Variants in EML6 observed in about 807,000 individuals in gnomAD.
EML6 encodes the protein echinoderm microtubule-associated protein-like 6.
In EML6, 154 loss-of-function variants were observed where a neutral mutation model predicts 240.1. That is an observed-to-expected ratio of 0.64 (90% CI 0.56 to 0.73). The LOEUF (loss-of-function observed/expected upper bound fraction) is 0.73, where lower values mean the gene tolerates loss of function less well. EML6 is among the 30% of genes least tolerant of loss of function. The probability of loss-of-function intolerance (pLI) is 0.00; values close to 1 mark genes in which losing one functional copy is unlikely to be tolerated. For missense variants in EML6, 2,964 were observed against 2,474.6 expected, an observed-to-expected ratio of 1.20 and a Z score of -4.20; for synonymous variants, 1,148 against 899.0, an observed-to-expected ratio of 1.28 and a Z score of -4.95.
chr2:54,883,696 A>G (rs1303161905), intron 17 of EML6, among the ~76,000 whole-genome samples: 2 of 152,168 alleles, frequency 1.3e-5, no homozygotes, highest in African/African-American at 2.4e-5. Flanking sequence ...AACTCTTTGT[A>G]TTTTGTTTTG....
chr2:54,882,392 A>G (rs982300783), intron 17 of EML6: 21 of 151,792 alleles, frequency 1.4e-4, no homozygotes, highest in African/African-American at 4.8e-4. Flanking sequence ...ATCACTGTCA[A>G]TCAGGGCAGA....
intron 2 of EML6, among the ~76,000 whole-genome samples, chr2:54,732,803 G>C (rs528194154): frequency 1.9e-3 from 287 of 152,306 alleles, no homozygotes; most frequent in Middle Eastern, 3.4e-3. Flanking sequence ...AACTTAAATA[G>C]TGAGTGCAGT....
chr2:54,759,561 A>G (rs1281040778), intron 2 of EML6, among the ~76,000 whole-genome samples: 1 of 152,148 alleles, frequency 6.6e-6, no homozygotes, highest in African/African-American at 2.4e-5. Flanking sequence ...AGAGTTTTTA[A>G]AAGTCATAAA....
intron 2 of EML6, among the ~76,000 whole-genome samples, chr2:54,794,979 A>G (rs1242653352): frequency 6.6e-6 from 1 of 152,150 alleles, no homozygotes; most frequent in African/African-American, 2.4e-5. Context: ...GGTCCCACCG[A>G]CCCAGCCTTC....
At chr2:54,896,934 G>A (rs1253263135) in intron 21 of EML6, among the ~76,000 whole-genome samples, 3 of 152,188 alleles carry the variant, frequency 2.0e-5, no homozygotes, top group Non-Finnish European at 4.4e-5. Context: ...GCAGCTGGTC[G>A]TGCCTTGCAG....
intron 26 of EML6, among the ~76,000 whole-genome samples, chr2:54,919,286 T>C (rs1674100799): frequency 6.9e-6 from 1 of 145,600 alleles, no homozygotes; most frequent in South Asian, 2.3e-4. Flanking sequence ...TTTTTGTCTT[T>C]AGCATTCCAG....
At position 54,850,089 on chromosome 2, in the gene EML6, C is replaced by G. The variant is rs1467947977; in HGVS notation, c.1315C>G (p.Gln439Glu). The G allele has an allele frequency of 1.3e-6, 2 of 1,552,078 alleles. No homozygotes were observed. The change falls in exon 10 of 42, where the codon CAG (glutamine) becomes GAG (glutamate). Residue 439 changes from glutamine to glutamate, a missense_variant. Gln to Glu is a conservative substitution (Grantham distance 29). Coordinates refer to ENST00000356458, the MANE Select transcript of EML6 (RefSeq NM_001039753.4). ...DGPVDVYAVA[Q>E]RYKKIGECSK... Reference sequence around the variant, plus strand: ...CCCAGTAGATGTCTATGCTGTTGCCCAGAGGTATAAGAAAATTGGAGAATG... The same window carrying G: ...CCCAGTAGATGTCTATGCTGTTGCCGAGAGGTATAAGAAAATTGGAGAATG...
At chr2:54,758,188 G>T (rs1332362037) in intron 2 of EML6, among the ~76,000 whole-genome samples, 6 of 151,958 alleles carry the variant, frequency 3.9e-5, no homozygotes, top group Non-Finnish European at 8.8e-5. Flanking sequence ...AATCTTTCCA[G>T]CTGTTCTATT....
At position 54,725,094 on chromosome 2, in the gene EML6, CCGG is replaced by C. The variant is rs1682847298; in HGVS notation, c.35_37del (p.Arg12del). 6.5e-7 allele frequency: 1 copy of C among 1,530,932 alleles called. No individual in the cohort carries two copies. The highest frequency in any genetic ancestry group is 1.4e-5 in the African/African-American group (1 of 70,310). The allele number at this position is 1,530,932 out of a possible 1,614,324, so 94.8% of individuals were successfully genotyped here. A position where few individuals can be genotyped will look rare whatever the true frequency, so the allele number is the denominator to read the frequency against. ...ATCGGACGGCGCCCCGCTGCCAGCT[CCGG>C]CTGGAGTGGGTGTACGGGTACCGGG... On this transcript the variant is annotated inframe_deletion, in exon 2 of 42. Coordinates refer to ENST00000356458, the MANE Select transcript of EML6 (RefSeq NM_001039753.4). The surrounding 1 kb of genome is among the most constrained non-coding windows in gnomAD (Gnocchi z 4.3).
chr2:54,927,057 C>T (rs898080017), intron 26 of EML6, among the ~76,000 whole-genome samples: 2 of 152,194 alleles, frequency 1.3e-5, no homozygotes, highest in African/African-American at 2.4e-5. Context: ...CCTCTGTTTC[C>T]ATGCTTTCTG....
At chr2:54,880,683 T>C (rs1327227437) in intron 17 of EML6, 3 of 152,232 alleles carry the variant, frequency 2.0e-5, no homozygotes, top group Admixed American at 1.3e-4. Flanking sequence ...CTGGTCTTTG[T>C]TTCTAGTATT....
At chr2:54,960,515 G>A (rs1472758901) in intron 35 of EML6, among the ~76,000 whole-genome samples, 181 bp downstream of exon 35, 3 of 152,144 alleles carry the variant, frequency 2.0e-5, no homozygotes, top group Non-Finnish European at 4.4e-5. Flanking sequence ...GAACCAGCTG[G>A]GTGACCTTGG....
At chr2:54,817,488 T>C (rs916209525) in intron 4 of EML6, among the ~76,000 whole-genome samples, 6 of 152,208 alleles carry the variant, frequency 3.9e-5, no homozygotes, top group Non-Finnish European at 5.9e-5. Context: ...ACAATGAATT[T>C]GCATGACTGT....
chr2:54,870,401 A>G lies in EML6; in HGVS notation c.2238+1034A>G, dbSNP rs544803073. ...TATACATGAATTTGCTGGCCCTCCA[A>G]CTGAAAAGGTATATTTGGGGGAAAA... On this transcript the variant is annotated intron_variant, in intron 15 of 41. Coordinates refer to ENST00000356458, the MANE Select transcript of EML6 (RefSeq NM_001039753.4). Among the ~76,000 whole-genome samples, 5 of 149,850 alleles carry G rather than the reference A, an allele frequency of 3.3e-5. No homozygotes were observed. In the South Asian group the frequency reaches 6.3e-4, roughly 19 times the overall value.
At chr2:54,965,951 T>A (rs1676728782) in intron 38 of EML6, among the ~76,000 whole-genome samples, 1 of 152,186 alleles carries the variant, frequency 6.6e-6, no homozygotes. Flanking sequence ...AACTATAAAC[T>A]TTCTCCCAAA....
intron 12 of EML6, among the ~76,000 whole-genome samples, chr2:54,863,078 C>T (rs1434420509): frequency 2.6e-5 from 4 of 152,264 alleles, no homozygotes; most frequent in South Asian, 2.1e-4. Flanking sequence ...TGTCAGCAGG[C>T]ATGAGCAGGT....
At chr2:54,764,623 A>C (rs1259910465) in intron 2 of EML6, among the ~76,000 whole-genome samples, 2 of 152,238 alleles carry the variant, frequency 1.3e-5, no homozygotes, top group Non-Finnish European at 2.9e-5. Flanking sequence ...AGATAAAATT[A>C]AATTGTGCCT....
rs150066699 is a variant in EML6 at position 54,814,796 on chromosome 2, A to G, written c.357+1405A>G. On this transcript the variant is annotated intron_variant, in intron 3 of 41. Coordinates refer to ENST00000356458, the MANE Select transcript of EML6 (RefSeq NM_001039753.4). Reference sequence around the variant, plus strand: ...TCGATCACTAGTCATTTTTCTTTCTAGAACTAGATTTATTACATATGTAGA... The same window carrying G: ...TCGATCACTAGTCATTTTTCTTTCTGGAACTAGATTTATTACATATGTAGA... Among the ~76,000 whole-genome samples, 60 of 152,312 alleles carry G rather than the reference A, an allele frequency of 3.9e-4. No homozygotes were observed. The East Asian group carries it at 0.011, about 27-fold the overall frequency.
At chr2:54,930,922 G>A (rs548188365) in intron 28 of EML6, among the ~76,000 whole-genome samples, 1 of 149,616 alleles carries the variant, frequency 6.7e-6, no homozygotes, top group African/African-American at 2.4e-5. Flanking sequence ...TTTTAGGGGA[G>A]ACTGAACCTC....
Sources: gnomAD v4.1 joint callset for allele counts (sites outside exome capture counted in the v4.1 genomes callset) on GRCh38, gnomAD v4.1.1 for gene constraint, Gnocchi (gnomAD v3.1) non-coding constraint, MANE v1.5 for transcripts, NCBI Gene and HGNC (gene_info 2026-07-23, HGNC 2026-07-21) for gene names.